ITSN1: variants seen among roughly 807,000 people sequenced by gnomAD.
ITSN1 encodes intersectin-1.
ITSN1 carries 58 observed loss-of-function variants against 239.8 expected under a neutral mutation model. The ratio of observed to expected loss-of-function variants is 0.24; its 90% CI spans 0.20 to 0.30. The LOEUF is 0.30. ITSN1 is among the 10% of genes least tolerant of loss of function. The pLI, the probability that ITSN1 is intolerant of heterozygous loss-of-function variation, is 1.00. For missense variants in ITSN1, 1,558 were observed against 2,103.3 expected, an observed-to-expected ratio of 0.74 and a Z score of 5.07; for synonymous variants, 780 against 770.8, an observed-to-expected ratio of 1.01 and a Z score of -0.20.
intron 29 of ITSN1, chr21:33,837,807 G>T: frequency 1.0e-6 from 1 of 985,880 alleles, no homozygotes; most frequent in South Asian, 4.7e-5. Context: ...AGATTTATCT[G>T]GTTGAGTTGG....
chr21:33,748,671 C>G (rs1486066836), intron 5 of ITSN1, among the ~76,000 whole-genome samples: 1 of 151,072 alleles, frequency 6.6e-6, no homozygotes, highest in Non-Finnish European at 1.5e-5. Context: ...AAGACCTCAT[C>G]TCTACCGCCC....
chr21:33,869,444 TC>T (rs1982331052), intron 33 of ITSN1, among the ~76,000 whole-genome samples: 1 of 152,228 alleles, frequency 6.6e-6, no homozygotes, highest in Non-Finnish European at 1.5e-5. Context: ...CCACCTGGTC[TC>T]TCCCACAACA....
chr21:33,818,502 A>G (rs748621087), intron 23 of ITSN1, 30 bp downstream of exon 23: 6 of 1,545,688 alleles, frequency 3.9e-6, no homozygotes, highest in Non-Finnish European at 5.4e-6. Context: ...CTTGTATTTG[A>G]TGAAAACAAT....
chr21:33,736,078 T>A (rs1359526364), intron 5 of ITSN1, among the ~76,000 whole-genome samples: 1 of 152,222 alleles, frequency 6.6e-6, no homozygotes, highest in Non-Finnish European at 1.5e-5. Flanking sequence ...TTGACTGAGA[T>A]CAGTAGTTCT....
chr21:33,648,853 A>G (rs2088226556), intron 1 of ITSN1, among the ~76,000 whole-genome samples: 1 of 151,930 alleles, frequency 6.6e-6, no homozygotes, highest in Non-Finnish European at 1.5e-5. Flanking sequence ...AGGGCAGGGC[A>G]AGAGAGAGAG....
chr21:33,789,571 A>G (rs2070944509), intron 16 of ITSN1, among the ~76,000 whole-genome samples: 1 of 152,230 alleles, frequency 6.6e-6, no homozygotes, highest in Non-Finnish European at 1.5e-5. Flanking sequence ...GTCTCCTTTC[A>G]TAGACCCCTG....
intron 22 of ITSN1, chr21:33,817,336 A>G (rs1256584781): frequency 1.5e-6 from 2 of 1,304,366 alleles, no homozygotes; most frequent in Non-Finnish European, 2.0e-6. Flanking sequence ...GCTTTTGCCC[A>G]TGCTGCGCCC....
chr21:33,666,382 TTGTC>T (rs1278454834), intron 1 of ITSN1, among the ~76,000 whole-genome samples: 1 of 152,216 alleles, frequency 6.6e-6, no homozygotes, highest in Non-Finnish European at 1.5e-5. Context: ...AACTTCATGA[TTGTC>T]TGAGATGTCA....
intron 1 of ITSN1, among the ~76,000 whole-genome samples, chr21:33,655,738 A>G (rs1423223637): frequency 1.3e-5 from 2 of 152,012 alleles, no homozygotes; most frequent in Non-Finnish European, 2.9e-5. Flanking sequence ...GGGCCTTGAA[A>G]CAAGACTCTA....
chr21:33,810,697 A>G (rs2072838880), intron 20 of ITSN1, among the ~76,000 whole-genome samples: 1 of 152,224 alleles, frequency 6.6e-6, no homozygotes, highest in Non-Finnish European at 1.5e-5. Context: ...TACATGCCTC[A>G]GGACTCCAGG....
At position 33,817,251 on chromosome 21, in the gene ITSN1, C is replaced by G. The variant is rs756425375; in HGVS notation, c.2728-1016C>G. The G allele has an allele frequency of 6.9e-6, 9 of 1,302,466 alleles. No homozygotes were observed. The South Asian group carries it at 7.4e-5, about 11-fold the overall frequency. The allele number at this position is 1,302,466 out of a possible 1,614,324, so 80.7% of individuals were successfully genotyped here. ...TCCAGCCTGACTTCCTCCTCCACCC[C>G]TCCATGAGACTAGGCCACATGCAGC... On this transcript the variant is annotated intron_variant, in intron 22 of 39. Coordinates refer to ENST00000381318, the MANE Select transcript of ITSN1 (RefSeq NM_003024.3).
At chr21:33,779,090 A>G (rs1355079129) in intron 14 of ITSN1, among the ~76,000 whole-genome samples, 1 of 150,694 alleles carries the variant, frequency 6.6e-6, no homozygotes, top group East Asian at 1.9e-4. Context: ...ATTTTTAAAA[A>G]ATAAGTTCTT....
At chr21:33,687,723 G>A (rs1479152094) in intron 1 of ITSN1, among the ~76,000 whole-genome samples, 2 of 152,166 alleles carry the variant, frequency 1.3e-5, no homozygotes, top group Non-Finnish European at 2.9e-5. Context: ...TGGAGTGTTT[G>A]AAAATGGCCC....
chr21:33,703,185 C>T (rs924941757), intron 1 of ITSN1, among the ~76,000 whole-genome samples: 17 of 148,872 alleles, frequency 1.1e-4, no homozygotes, highest in African/African-American at 3.4e-4. Context: ...AATATATATG[C>T]GTATATATAT....
intron 16 of ITSN1, 27 bp from the exon 17 acceptor site, chr21:33,794,314 C>T (rs375215032): frequency 1.9e-6 from 3 of 1,558,846 alleles, no homozygotes; most frequent in Non-Finnish European, 1.8e-6. Flanking sequence ...CATGTCGCTA[C>T]ATGAACTGTT....
intron 29 of ITSN1, among the ~76,000 whole-genome samples, chr21:33,844,499 CT>C: frequency 6.6e-6 from 1 of 152,162 alleles, no homozygotes; most frequent in Non-Finnish European, 1.5e-5. Context: ...GTTCAGCCCC[CT>C]AGACATGCCG....
At chr21:33,677,496 T>C (rs8128426) in intron 1 of ITSN1, among the ~76,000 whole-genome samples, 6,714 of 152,070 alleles carry the variant, frequency 0.044, 497 homozygotes, top group African/African-American at 0.15. Flanking sequence ...TGTGCCACCA[T>C]GTCCAGCTAA....
At chr21:33,752,899 G>A (rs1331599256) in intron 7 of ITSN1, among the ~76,000 whole-genome samples, 1 of 151,566 alleles carries the variant, frequency 6.6e-6, no homozygotes, top group Non-Finnish European at 1.5e-5. Context: ...AGTGAATCAA[G>A]TCATTTTCCC....
At chr21:33,788,533 C>T (rs992090215) in intron 16 of ITSN1, among the ~76,000 whole-genome samples, 2 of 152,086 alleles carry the variant, frequency 1.3e-5, no homozygotes, top group African/African-American at 4.8e-5. Flanking sequence ...GAGTTTGAGA[C>T]CAGCCTGGCC....
Sources: allele counts gnomAD v4.1 joint callset (sites outside exome capture counted in the v4.1 genomes callset), GRCh38; gene constraint gnomAD v4.1.1; transcripts MANE v1.5; gene names NCBI Gene and HGNC (gene_info 2026-07-23, HGNC 2026-07-21).